Variants in LHFPL6 observed in about 807,000 individuals in gnomAD.
LHFPL6 encodes LHFPL tetraspan subfamily member 6 protein.
In LHFPL6, 9 loss-of-function variants were observed where a neutral mutation model predicts 20.6. That is an observed-to-expected ratio of 0.44 (90% confidence interval 0.26 to 0.76). The LOEUF (loss-of-function observed/expected upper bound fraction) is 0.76. LHFPL6 is among the 30% of genes least tolerant of loss of function. The pLI, the probability that LHFPL6 is intolerant of heterozygous loss-of-function variation, is 0.20. For missense variants in LHFPL6, 218 were observed against 253.5 expected, an observed-to-expected ratio of 0.86 and a Z score of 0.95; for synonymous variants, 105 against 98.7, an observed-to-expected ratio of 1.06 and a Z score of -0.38.
intron 2 of LHFPL6, among the ~76,000 whole-genome samples, chr13:39,446,237 C>T (rs1872286106): frequency 6.6e-6 from 1 of 152,142 alleles, no homozygotes; most frequent in South Asian, 2.1e-4. Context: ...TCTATGTAAT[C>T]TCCTCCAACA....
chr13:39,451,958 G>A (rs1323746426), intron 2 of LHFPL6, among the ~76,000 whole-genome samples: 3 of 152,158 alleles, frequency 2.0e-5, no homozygotes, highest in African/African-American at 4.8e-5. Context: ...GCGCATGCAC[G>A]TGCATAAGAC....
chr13:39,561,615 G>A lies in LHFPL6; in HGVS notation c.385+39217C>T, dbSNP rs1303110064. ...GTAGCTGGAATCATAGGCACAAGCC[G>A]CCATGTCTGCTTTGTTTGTTTGGTA... On this transcript the variant is annotated intron_variant, in intron 2 of 3. Coordinates refer to ENST00000379589, the MANE Select transcript of LHFPL6 (RefSeq NM_005780.3). Among the ~76,000 whole-genome samples the A allele has an allele frequency of 8.5e-5, 13 of 152,222 alleles. 1 individual carries two copies. Among genetic ancestry groups the A allele is most frequent in the South Asian group, 6.2e-4 (3 of 4,828 alleles).
At chr13:39,510,096 T>C (rs1869635989) in intron 2 of LHFPL6, among the ~76,000 whole-genome samples, 1 of 152,256 alleles carries the variant, frequency 6.6e-6, no homozygotes, top group African/African-American at 2.4e-5. Flanking sequence ...ATTGCCCATC[T>C]GCTGATGGTT....
At chr13:39,518,366 G>A (rs569612163) in intron 2 of LHFPL6, among the ~76,000 whole-genome samples, 2 of 152,058 alleles carry the variant, frequency 1.3e-5, no homozygotes, top group Non-Finnish European at 2.9e-5. Context: ...GAGACATCCT[G>A]GCTACTTTCC....
intron 2 of LHFPL6, among the ~76,000 whole-genome samples, chr13:39,570,241 A>C (rs780911836): frequency 1.3e-5 from 2 of 152,174 alleles, no homozygotes; most frequent in Non-Finnish European, 2.9e-5. Context: ...TCCTGGATTC[A>C]GGCAATCTCT....
chr13:39,433,330 T>C (rs756435457), intron 2 of LHFPL6, among the ~76,000 whole-genome samples: 2 of 152,232 alleles, frequency 1.3e-5, no homozygotes, highest in Non-Finnish European at 2.9e-5. Flanking sequence ...CAAAGCTAAG[T>C]ACTGGAAGTG....
intron 2 of LHFPL6, among the ~76,000 whole-genome samples, chr13:39,461,350 C>T (rs376072733): frequency 1.3e-4 from 20 of 152,146 alleles, no homozygotes; most frequent in African/African-American, 3.9e-4. Flanking sequence ...TGGGTATATA[C>T]GCAGTAATGG....
At chr13:39,456,158 C>T (rs1370535796) in intron 2 of LHFPL6, among the ~76,000 whole-genome samples, 1 of 152,178 alleles carries the variant, frequency 6.6e-6, no homozygotes, top group East Asian at 1.9e-4. Flanking sequence ...CTTAAAAGTG[C>T]CTATTAACCA....
At chr13:39,468,796 A>G (rs1555263786) in intron 2 of LHFPL6, among the ~76,000 whole-genome samples, 1 of 152,092 alleles carries the variant, frequency 6.6e-6, no homozygotes, top group Non-Finnish European at 1.5e-5. Flanking sequence ...ATGTATCGAA[A>G]ACTCAATCTT....
At chr13:39,420,011 C>T (rs1462558302) in intron 2 of LHFPL6, among the ~76,000 whole-genome samples, 3 of 152,118 alleles carry the variant, frequency 2.0e-5, no homozygotes, top group Non-Finnish European at 2.9e-5. Flanking sequence ...AGCCTAACAG[C>T]CTGTGTGTTC....
At chr13:39,451,393 G>T (rs1872440584) in intron 2 of LHFPL6, among the ~76,000 whole-genome samples, 1 of 152,196 alleles carries the variant, frequency 6.6e-6, no homozygotes, top group African/African-American at 2.4e-5. Context: ...TCCAAGCTGG[G>T]AATATGCTTT....
chr13:39,497,439 A>T (rs1478728813), intron 2 of LHFPL6, among the ~76,000 whole-genome samples: 2 of 152,234 alleles, frequency 1.3e-5, no homozygotes, highest in African/African-American at 2.4e-5. Context: ...AATTCCCAGT[A>T]GGAATTTCAT....
intron 2 of LHFPL6, among the ~76,000 whole-genome samples, chr13:39,506,884 G>A (rs1248826166): frequency 6.6e-6 from 1 of 152,140 alleles, no homozygotes; most frequent in Non-Finnish European, 1.5e-5. Flanking sequence ...ATTAAATTCT[G>A]ATTTCTATTT....
At chr13:39,469,501 C>T (rs1412041953) in intron 2 of LHFPL6, among the ~76,000 whole-genome samples, 1 of 152,212 alleles carries the variant, frequency 6.6e-6, no homozygotes, top group African/African-American at 2.4e-5. Flanking sequence ...AGGCTGCCCA[C>T]ACCTGGGCAT....
chr13:39,430,340 C>T (rs1871760083), intron 2 of LHFPL6, among the ~76,000 whole-genome samples: 1 of 152,214 alleles, frequency 6.6e-6, no homozygotes, highest in African/African-American at 2.4e-5. Context: ...TATGACAATT[C>T]TGCGAGGTTT....
intron 2 of LHFPL6, among the ~76,000 whole-genome samples, chr13:39,404,662 A>G (rs1195081104): frequency 1.3e-5 from 2 of 152,202 alleles, no homozygotes; most frequent in Non-Finnish European, 2.9e-5. Context: ...GACTTCAACA[A>G]TCACTCCAGC....
In LHFPL6 at chr13:39,485,590, T is replaced by A. The variant is rs142574470; in HGVS notation, c.386-107064A>T. Among the ~76,000 whole-genome samples, 21 of 152,272 alleles carry A rather than the reference T, an allele frequency of 1.4e-4. No homozygotes were observed. The East Asian group carries it at 3.7e-3, about 27-fold the overall frequency. On this transcript the variant is annotated intron_variant, in intron 2 of 3. Transcript: ENST00000379589. ...AGAGTAAAATAAGGTTTCCCAGCAT[T>A]CTACCTTGGAATTTCAATTATTTAT...
At chr13:39,597,569 C>A (rs1238230948) in intron 2 of LHFPL6, among the ~76,000 whole-genome samples, 2 of 152,204 alleles carry the variant, frequency 1.3e-5, no homozygotes, top group African/African-American at 4.8e-5. Flanking sequence ...TATTTCCCCA[C>A]AGCCTTTCTA....
intron 2 of LHFPL6, among the ~76,000 whole-genome samples, chr13:39,406,577 T>A (rs1201217995): frequency 1.3e-5 from 2 of 150,564 alleles, no homozygotes; most frequent in Non-Finnish European, 2.9e-5. Flanking sequence ...ACACGGTGGA[T>A]CCTAAGTTAT....
Sources: gnomAD v4.1 joint callset for allele counts (sites outside exome capture counted in the v4.1 genomes callset) on GRCh38, gnomAD v4.1.1 for gene constraint, MANE v1.5 for transcripts, NCBI Gene and HGNC (gene_info 2026-07-23, HGNC 2026-07-21) for gene names.